GALNT13: variants seen among roughly 807,000 people sequenced by gnomAD.
The protein encoded by GALNT13 is polypeptide N-acetylgalactosaminyltransferase 13.
In GALNT13, 28 loss-of-function variants were observed where a neutral mutation model predicts 64.2. The observed-to-expected ratio is 0.44, with a 90% CI of 0.32 to 0.60. The LOEUF is 0.60. Ranked by LOEUF, GALNT13 falls within the 20% of genes least tolerant of loss-of-function variation. GALNT13 has a pLI of 0.05. For synonymous variants in GALNT13, 214 were observed against 224.6 expected, an observed-to-expected ratio of 0.95 and a Z score of 0.42; for missense variants, 577 against 669.8, an observed-to-expected ratio of 0.86 and a Z score of 1.53.
chr2:153,336,326 C>T, the GALNT13 span, among the ~76,000 whole-genome samples: 4 of 152,106 alleles, frequency 2.6e-5, no homozygotes, highest in Non-Finnish European at 4.4e-5. Flanking sequence ...GCTGCAGATG[C>T]TCAATGTTAG....
At chr2:153,470,226 T>G in the GALNT13 span, among the ~76,000 whole-genome samples, 1 of 152,090 alleles carries the variant, frequency 6.6e-6, no homozygotes, top group African/African-American at 2.4e-5. Context: ...GCCCTCTTGC[T>G]TTTTTTGATA....
the GALNT13 span, among the ~76,000 whole-genome samples, chr2:153,722,739 C>T: frequency 2.0e-5 from 3 of 152,220 alleles, no homozygotes; most frequent in East Asian, 5.8e-4. Flanking sequence ...ATACACTCTC[C>T]CAAGACTAAA....
intron 4 of GALNT13, among the ~76,000 whole-genome samples, chr2:154,195,466 C>G (rs1036416550): frequency 1.8e-4 from 27 of 152,154 alleles, no homozygotes; most frequent in African/African-American, 6.0e-4. Context: ...CAGAGAATTC[C>G]TAAGAAACCA....
At chr2:153,546,104 A>T in the GALNT13 span, among the ~76,000 whole-genome samples, 2 of 152,296 alleles carry the variant, frequency 1.3e-5, no homozygotes, top group African/African-American at 4.8e-5. Flanking sequence ...CCCTCAGGAG[A>T]TAAGCCACAA....
chr2:153,731,498 GATAAT>G, the GALNT13 span, among the ~76,000 whole-genome samples: 1 of 151,728 alleles, frequency 6.6e-6, no homozygotes, highest in Non-Finnish European at 1.5e-5. Flanking sequence ...ATCTATTACT[GATAAT>G]ATAATAATAA....
chr2:153,101,374 C>A, the GALNT13 span, among the ~76,000 whole-genome samples: 24 of 152,078 alleles, frequency 1.6e-4, no homozygotes, highest in African/African-American at 5.8e-4. Context: ...TGCTTTTTTA[C>A]GGTCTTGGCA....
the GALNT13 span, among the ~76,000 whole-genome samples, chr2:153,505,781 G>A: frequency 9.9e-5 from 15 of 151,970 alleles, no homozygotes; most frequent in Non-Finnish European, 1.3e-4. Context: ...CTTATCATGC[G>A]GTCTATCTTG....
chr2:154,103,433 G>A (rs922468802), intron 3 of GALNT13, among the ~76,000 whole-genome samples: 1 of 152,056 alleles, frequency 6.6e-6, no homozygotes, highest in Non-Finnish European at 1.5e-5. Flanking sequence ...TCTCTTGGAT[G>A]TCTTGTGCTT....
the GALNT13 span, among the ~76,000 whole-genome samples, chr2:153,320,648 G>A: frequency 6.6e-6 from 1 of 152,140 alleles, no homozygotes; most frequent in African/African-American, 2.4e-5. Context: ...TAATATCTCT[G>A]TATCACTGAC....
chr2:153,331,899 T>A, the GALNT13 span, among the ~76,000 whole-genome samples: 2,011 of 152,278 alleles, frequency 0.013, 51 homozygotes, highest in African/African-American at 0.045. Flanking sequence ...TGTTTCAATC[T>A]TGGGAGATTG....
intron 9 of GALNT13, among the ~76,000 whole-genome samples, chr2:154,325,936 G>T (rs1475597673): frequency 1.3e-5 from 2 of 152,098 alleles, no homozygotes; most frequent in Admixed American, 6.6e-5. Flanking sequence ...CACACTCCGA[G>T]GGCGGGGCCC....
intron 7 of GALNT13, among the ~76,000 whole-genome samples, chr2:154,247,113 A>G (rs1383605669): frequency 1.3e-5 from 2 of 152,078 alleles, no homozygotes; most frequent in African/African-American, 2.4e-5. Context: ...GAACAATTAA[A>G]TATTAGGGAT....
chr2:153,122,730 A>G, the GALNT13 span, among the ~76,000 whole-genome samples: 1 of 152,116 alleles, frequency 6.6e-6, no homozygotes, highest in South Asian at 2.1e-4. Context: ...CAAGACTTGT[A>G]AATATCAGTT....
intron 4 of GALNT13, among the ~76,000 whole-genome samples, chr2:154,173,986 C>T (rs150303897): frequency 1.3e-4 from 20 of 152,074 alleles, no homozygotes; most frequent in African/African-American, 4.3e-4. Context: ...TATGGAGGTT[C>T]GTCAAAAATC....
At chr2:154,085,927 G>T (rs150112521) in intron 3 of GALNT13, among the ~76,000 whole-genome samples, 2 of 151,460 alleles carry the variant, frequency 1.3e-5, no homozygotes, top group Non-Finnish European at 2.9e-5. Flanking sequence ...AAAAATAAAC[G>T]TAAAAAAATA....
the GALNT13 span, among the ~76,000 whole-genome samples, chr2:153,658,355 C>T: frequency 6.6e-6 from 1 of 152,090 alleles, no homozygotes; most frequent in Non-Finnish European, 1.5e-5. Flanking sequence ...CTATTCACTT[C>T]CATGGCACTG....
At chr2:154,360,022 A>C (rs1187672362) in intron 9 of GALNT13, among the ~76,000 whole-genome samples, 1 of 152,162 alleles carries the variant, frequency 6.6e-6, no homozygotes, top group East Asian at 1.9e-4. Flanking sequence ...ATGTCTAAGA[A>C]AATGTAGTTA....
intron 9 of GALNT13, among the ~76,000 whole-genome samples, chr2:154,364,158 A>G (rs1164994160): frequency 6.6e-6 from 1 of 152,214 alleles, no homozygotes; most frequent in Non-Finnish European, 1.5e-5. Flanking sequence ...TAGGCAAGCT[A>G]TATGGTATTG....
intron 9 of GALNT13, among the ~76,000 whole-genome samples, chr2:154,340,817 C>A (rs1229870448): frequency 2.0e-5 from 3 of 152,046 alleles, no homozygotes; most frequent in Admixed American, 2.0e-4. Flanking sequence ...TACCAAATAT[C>A]CTTAACACGT....
Sources: allele counts gnomAD v4.1 joint callset (sites outside exome capture counted in the v4.1 genomes callset), GRCh38; gene constraint gnomAD v4.1.1; transcripts MANE v1.5; gene names NCBI Gene and HGNC (gene_info 2026-07-23, HGNC 2026-07-21).